The following STXBP6 variants were observed in gnomAD, a reference collection of about 807,000 sequenced individuals.
STXBP6 encodes the protein syntaxin-binding protein 6.
In STXBP6, 21 loss-of-function variants were observed where a neutral mutation model predicts 26.9. The observed-to-expected ratio is 0.78, with a 90% confidence interval of 0.55 to 1.12. STXBP6 has a LOEUF of 1.12. STXBP6 is among the 50% of genes most tolerant of loss of function. STXBP6 has a pLI of 0.00. For missense variants in STXBP6, 232 were observed against 257.9 expected, an observed-to-expected ratio of 0.90 and a Z score of 0.69; for synonymous variants, 97 against 92.6, an observed-to-expected ratio of 1.05 and a Z score of -0.27.
intron 1 of STXBP6, among the ~76,000 whole-genome samples, chr14:24,975,462 G>A (rs1433065553): frequency 6.6e-6 from 1 of 152,156 alleles, no homozygotes; most frequent in Non-Finnish European, 1.5e-5. Flanking sequence ...CTAGTTTGCA[G>A]TGCTCCTCTG....
chr14:25,044,256 C>A (rs1331166545), intron 1 of STXBP6, among the ~76,000 whole-genome samples: 1 of 148,558 alleles, frequency 6.7e-6, no homozygotes, highest in African/African-American at 2.5e-5. Flanking sequence ...TCTTGTGTAT[C>A]TATCTTGGAG....
chr14:24,826,213 A>G (rs559176677), intron 4 of STXBP6, among the ~76,000 whole-genome samples: 1 of 151,814 alleles, frequency 6.6e-6, no homozygotes, highest in African/African-American at 2.4e-5. Context: ...TTTCTTCAAC[A>G]TACTTGCTAC....
intron 2 of STXBP6, among the ~76,000 whole-genome samples, chr14:24,930,488 T>G (rs1470972583): frequency 6.6e-6 from 1 of 152,194 alleles, no homozygotes. Flanking sequence ...AAATGCTCTG[T>G]ACTTGATTCT....
intron 2 of STXBP6, among the ~76,000 whole-genome samples, chr14:24,875,965 G>A (rs1214094292): frequency 6.6e-6 from 1 of 152,120 alleles, no homozygotes; most frequent in Non-Finnish European, 1.5e-5. Context: ...ATACGGCACT[G>A]TGTATTTATT....
intron 2 of STXBP6, among the ~76,000 whole-genome samples, chr14:24,947,299 A>C (rs2073024762): frequency 6.6e-6 from 1 of 152,222 alleles, no homozygotes; most frequent in African/African-American, 2.4e-5. Context: ...GGCAGGAATG[A>C]CAGCCATGAT....
chr14:25,013,173 T>A (rs1260873912), intron 1 of STXBP6, among the ~76,000 whole-genome samples: 1 of 152,206 alleles, frequency 6.6e-6, no homozygotes. Context: ...GAGCCACCAA[T>A]TTCTCTTTTT....
At chr14:24,835,752 A>G (rs1003267135) in intron 4 of STXBP6, among the ~76,000 whole-genome samples, 2 of 152,260 alleles carry the variant, frequency 1.3e-5, no homozygotes, top group African/African-American at 2.4e-5. Flanking sequence ...AAATATTAAT[A>G]TAAATATCCT....
chr14:24,983,427 T>G (rs1286550026), intron 1 of STXBP6, among the ~76,000 whole-genome samples: 1 of 152,178 alleles, frequency 6.6e-6, no homozygotes, highest in Admixed American at 6.5e-5. Context: ...ACATAAAGAT[T>G]GACTTAACAT....
chr14:24,996,858 C>G, intron 1 of STXBP6, among the ~76,000 whole-genome samples: 1 of 92,750 alleles, frequency 1.1e-5, no homozygotes. Flanking sequence ...GAGTGAAACT[C>G]TGTCTCAAAA....
chr14:24,965,788 A>G lies in STXBP6; in HGVS notation c.154+8877T>C, dbSNP rs144221724. 1.6e-3 allele frequency among the ~76,000 whole-genome samples: 237 copies of G among 152,290 alleles called. 2 individuals are homozygous for G. Among genetic ancestry groups the G allele is most frequent in the African/African-American group, 5.5e-3 (230 of 41,556 alleles). Reference sequence around the variant, plus strand: ...GGGGTGGGAATTCTTCCAGGGAGCAACAGGTGCCTCTGACTATAGCTTACT... The same window carrying G: ...GGGGTGGGAATTCTTCCAGGGAGCAGCAGGTGCCTCTGACTATAGCTTACT... On this transcript the variant is annotated intron_variant, in intron 2 of 5. Transcript: ENST00000323944.
At position 24,844,178 on chromosome 14, in the gene STXBP6, G is replaced by A. The variant is rs137908977; in HGVS notation, c.451+11758C>T. 1.8e-4 allele frequency among the ~76,000 whole-genome samples: 28 copies of A among 152,354 alleles called. 1 individual carries two copies. In the East Asian group the frequency reaches 5.0e-3, roughly 27 times the overall value. ...GTGAACACACCCATGGGCAGGGAGG[G>A]TAGCGCACCTCAACTCCATGGGGAC... On this transcript the variant is annotated intron_variant, in intron 4 of 5. Coordinates refer to ENST00000323944, the MANE Select transcript of STXBP6 (RefSeq NM_001394410.1).
intron 2 of STXBP6, among the ~76,000 whole-genome samples, chr14:24,858,766 AC>A (rs1454710714): frequency 6.6e-6 from 1 of 152,074 alleles, no homozygotes; most frequent in Non-Finnish European, 1.5e-5. Context: ...ACCTGCTCTT[AC>A]GTTTTAATGT....
chr14:24,926,963 A>G (rs978099923), intron 2 of STXBP6, among the ~76,000 whole-genome samples: 9 of 152,206 alleles, frequency 5.9e-5, no homozygotes, highest in Non-Finnish European at 1.0e-4. Flanking sequence ...GTTAATAATT[A>G]CGTCTAGCCG....
At chr14:24,900,741 T>C (rs2071181214) in intron 2 of STXBP6, among the ~76,000 whole-genome samples, 2 of 152,122 alleles carry the variant, frequency 1.3e-5, no homozygotes, top group South Asian at 2.1e-4. Context: ...ACTGTGAAAA[T>C]GACAGGATGT....
At chr14:24,825,783 A>T in intron 4 of STXBP6, among the ~76,000 whole-genome samples, 1 of 152,322 alleles carries the variant, frequency 6.6e-6, no homozygotes, top group African/African-American at 2.4e-5. Context: ...AGGATCAAAC[A>T]TTTAGGATTT....
At chr14:24,973,554 T>G (rs1197009560) in intron 2 of STXBP6, among the ~76,000 whole-genome samples, 1 of 151,874 alleles carries the variant, frequency 6.6e-6, no homozygotes, top group Non-Finnish European at 1.5e-5. Context: ...CCTGGCTAAT[T>G]TTTTTATTTT....
At chr14:25,046,053 G>T (rs1176310281) in intron 1 of STXBP6, among the ~76,000 whole-genome samples, 1 of 152,158 alleles carries the variant, frequency 6.6e-6, no homozygotes, top group Non-Finnish European at 1.5e-5. Flanking sequence ...CTAGGAATGG[G>T]CCCTGACTCT....
intron 2 of STXBP6, among the ~76,000 whole-genome samples, chr14:24,911,347 C>T (rs757207536): frequency 1.5e-4 from 17 of 115,654 alleles, no homozygotes; most frequent in Non-Finnish European, 2.4e-4. Flanking sequence ...AAAGAAGGAA[C>T]GAAGGAAGGG....
At chr14:24,954,534 G>C (rs1263309585) in intron 2 of STXBP6, among the ~76,000 whole-genome samples, 1 of 152,264 alleles carries the variant, frequency 6.6e-6, no homozygotes, top group East Asian at 1.9e-4. Context: ...TTTTTGCTAA[G>C]AGAGTCACCC....
Sources: gnomAD v4.1 joint callset for allele counts (sites outside exome capture counted in the v4.1 genomes callset) on GRCh38, gnomAD v4.1.1 for gene constraint, MANE v1.5 for transcripts, NCBI Gene and HGNC (gene_info 2026-07-23, HGNC 2026-07-21) for gene names.